The following FARS2 variants were observed in gnomAD, a reference collection of about 807,000 sequenced individuals.
FARS2 encodes phenylalanyl-tRNA synthetase 2, mitochondrial, also known as phenylalanine--tRNA ligase, mitochondrial.
FARS2 carries 40 observed loss-of-function variants against 46.4 expected under a neutral mutation model. The ratio of observed to expected loss-of-function variants is 0.86; its 90% confidence interval spans 0.67 to 1.12. The LOEUF (loss-of-function observed/expected upper bound fraction) is 1.12, where lower values mean the gene tolerates loss of function less well. Ranked by LOEUF, FARS2 falls within the 50% of genes most tolerant of loss-of-function variation. The pLI is 0.00. For missense variants in FARS2, 513 were observed against 567.9 expected, an observed-to-expected ratio of 0.90 and a Z score of 0.98; for synonymous variants, 234 against 214.9, an observed-to-expected ratio of 1.09 and a Z score of -0.78.
rs530322317 is a variant in FARS2 at position 5,749,852 on chromosome 6, TC to T, written c.1218-21437del. ...ATGAGAGAACATGAAGCAATCCAGGTCCACATCTGTGTGCTGCCTCCACTCA... is the reference window on the plus strand; with the variant it reads ...ATGAGAGAACATGAAGCAATCCAGGTCACATCTGTGTGCTGCCTCCACTCA... On this transcript the variant is annotated intron_variant, in intron 6 of 6. Coordinates refer to ENST00000274680, the MANE Select transcript of FARS2 (RefSeq NM_006567.5). Among the ~76,000 whole-genome samples the T allele has an allele frequency of 1.0e-3, 158 of 152,268 alleles. 1 individual carries two copies. The highest frequency in any genetic ancestry group is 2.0e-3 in the Non-Finnish European group (136 of 68,022).
At chr6:5,288,235 A>C (rs982337668) in intron 1 of FARS2, among the ~76,000 whole-genome samples, 1 of 152,148 alleles carries the variant, frequency 6.6e-6, no homozygotes, top group Non-Finnish European at 1.5e-5. Context: ...CTTGCTGTCT[A>C]CTTCTTTTGA....
chr6:5,431,376 C>CT (rs1425929327), intron 4 of FARS2, among the ~76,000 whole-genome samples: 3 of 152,188 alleles, frequency 2.0e-5, no homozygotes, highest in African/African-American at 7.2e-5. Flanking sequence ...TGCAAAGGCT[C>CT]TTTGTCTTTG....
intron 2 of FARS2, among the ~76,000 whole-genome samples, chr6:5,390,012 G>C (rs955630019): frequency 6.6e-6 from 1 of 151,990 alleles, no homozygotes; most frequent in African/African-American, 2.4e-5. Flanking sequence ...TTACAGGCAC[G>C]CGCCACCACG....
At chr6:5,668,844 C>T (rs1455695971) in intron 6 of FARS2, among the ~76,000 whole-genome samples, 1 of 152,010 alleles carries the variant, frequency 6.6e-6, no homozygotes, top group Non-Finnish European at 1.5e-5. Context: ...CAGGCACCCA[C>T]CATCACGCCC....
upstream of FARS2, among the ~76,000 whole-genome samples, chr6:5,260,360 C>T (rs1764962072): frequency 6.6e-6 from 1 of 152,230 alleles, no homozygotes; most frequent in Non-Finnish European, 1.5e-5. Context: ...TCTGCAGAAA[C>T]ATAACACTAA....
chr6:5,719,442 G>GAGAGAAAGAA (rs1554129043), intron 6 of FARS2, among the ~76,000 whole-genome samples: 29 of 144,668 alleles, frequency 2.0e-4, no homozygotes, highest in Admixed American at 7.6e-4. Flanking sequence ...AGGAAAGAAA[G>GAGAGAAAGAA]AGAGAAAGAG....
chr6:5,496,698 A>C (rs1177028567), intron 4 of FARS2, among the ~76,000 whole-genome samples: 2 of 152,036 alleles, frequency 1.3e-5, no homozygotes, highest in African/African-American at 4.8e-5. Flanking sequence ...AGGACATCCA[A>C]GTCAAATTGG....
intron 2 of FARS2, among the ~76,000 whole-genome samples, 186 bp downstream of exon 2, chr6:5,369,368 GT>G: frequency 6.6e-6 from 1 of 152,202 alleles, no homozygotes; most frequent in South Asian, 2.1e-4. Flanking sequence ...CCGCTTTGTT[GT>G]GTTAGTAACT....
chr6:5,644,843 A>T (rs10458089), intron 6 of FARS2, among the ~76,000 whole-genome samples: 39,898 of 152,126 alleles, frequency 0.26, 5,677 homozygotes, highest in Middle Eastern at 0.36. Context: ...GATTGAGAGA[A>T]ACTAGAATGA....
chr6:5,313,843 T>TTAAAATAAAA lies in FARS2; in HGVS notation c.-22+52208_-22+52217dup, dbSNP rs138853513. ...CCTGGGAATTTAGAGAAAATTAAATTTAAAATAAAATAAAATAAAATAAAA... is the reference window on the plus strand; with the variant it reads ...CCTGGGAATTTAGAGAAAATTAAATTTAAAATAAAATAAAATAAAATAAAATAAAATAAAA... On this transcript the variant is annotated intron_variant, in intron 1 of 6. Transcript: ENST00000274680. Among the ~76,000 whole-genome samples, 309 of 151,280 alleles carry TTAAAATAAAA rather than the reference T, an allele frequency of 2.0e-3. 2 individuals carry two copies. Among genetic ancestry groups the TTAAAATAAAA allele is most frequent in the African/African-American group, 7.2e-3 (294 of 40,956 alleles).
chr6:5,341,212 TATATATATA>T (rs1771567353), intron 1 of FARS2, among the ~76,000 whole-genome samples: 2 of 6,488 alleles, frequency 3.1e-4, no homozygotes, highest in African/African-American at 5.1e-4. Context: ...TATATATATA[TATATATATA>T]TATATATATA....
chr6:5,632,955 TC>T (rs1776367015), intron 6 of FARS2, among the ~76,000 whole-genome samples: 1 of 152,006 alleles, frequency 6.6e-6, no homozygotes, highest in African/African-American at 2.4e-5. Context: ...CTTCCATCCT[TC>T]CTTCCCTCCC....
chr6:5,351,566 A>C (rs1205221600), intron 1 of FARS2, among the ~76,000 whole-genome samples: 1 of 152,120 alleles, frequency 6.6e-6, no homozygotes, highest in Admixed American at 6.5e-5. Flanking sequence ...AACAAACTAC[A>C]TTTCTTATTT....
chr6:5,455,386 T>C (rs1582155463), intron 4 of FARS2, among the ~76,000 whole-genome samples: 2 of 152,288 alleles, frequency 1.3e-5, no homozygotes, highest in East Asian at 3.9e-4. Context: ...ACGGCCAGAT[T>C]GTGAGAGTGT....
At chr6:5,334,320 C>T (rs1005646641) in intron 1 of FARS2, among the ~76,000 whole-genome samples, 2 of 152,126 alleles carry the variant, frequency 1.3e-5, no homozygotes, top group Admixed American at 1.3e-4. Context: ...CCATTTGGCC[C>T]TATCTGTTAA....
chr6:5,690,574 G>T (rs895228061), intron 6 of FARS2, among the ~76,000 whole-genome samples: 1 of 151,546 alleles, frequency 6.6e-6, no homozygotes, highest in Admixed American at 6.6e-5. Context: ...TCCGCTGTTA[G>T]TCTGATGGGC....
chr6:5,325,200 G>T (rs1284867698), intron 1 of FARS2, among the ~76,000 whole-genome samples: 10 of 152,198 alleles, frequency 6.6e-5, no homozygotes. Context: ...TCTGGTGGGT[G>T]CTTCTCAAAT....
chr6:5,635,465 A>G (rs1776499035), intron 6 of FARS2, among the ~76,000 whole-genome samples: 1 of 152,246 alleles, frequency 6.6e-6, no homozygotes, highest in Non-Finnish European at 1.5e-5. Context: ...AGCTGGGAAT[A>G]AAAGTTTGGT....
intron 6 of FARS2, among the ~76,000 whole-genome samples, chr6:5,668,686 GTTTTTTTTTTT>G (rs58819474): frequency 1.9e-5 from 1 of 53,406 alleles, no homozygotes; most frequent in African/African-American, 6.8e-5. Flanking sequence ...GTGTGTTTGG[GTTTTTTTTTTT>G]TTTTTTTTTT....
Sources: allele counts gnomAD v4.1 joint callset (sites outside exome capture counted in the v4.1 genomes callset), GRCh38; gene constraint gnomAD v4.1.1; transcripts MANE v1.5; gene names NCBI Gene and HGNC (gene_info 2026-07-23, HGNC 2026-07-21).